RBFOX1: variants seen among roughly 807,000 people sequenced by gnomAD.
RBFOX1 encodes the protein RNA binding protein fox-1 homolog 1.
In RBFOX1, 8 loss-of-function variants were observed where a neutral mutation model predicts 57.7. The observed-to-expected ratio is 0.14, with a 90% CI of 0.08 to 0.25. RBFOX1 has a LOEUF of 0.25. Among genes scored for constraint, RBFOX1 ranks in the 10% least tolerant of loss-of-function variants. RBFOX1 has a pLI of 1.00. For missense variants in RBFOX1, 611 were observed against 548.5 expected (o/e 1.11, Z -1.14); for synonymous variants, 326 against 222.4 (o/e 1.47, Z -4.15).
intron 4 of RBFOX1, among the ~76,000 whole-genome samples, chr16:7,184,471 C>A (rs1366644203): frequency 6.6e-6 from 1 of 152,214 alleles, no homozygotes; most frequent in Non-Finnish European, 1.5e-5. Flanking sequence ...GCATTGCATG[C>A]ATGTTTTTAC....
At chr16:6,839,231 C>T (rs7498902) in intron 3 of RBFOX1, among the ~76,000 whole-genome samples, 67,570 of 151,844 alleles carry the variant, frequency 0.44, 17,205 homozygotes, top group East Asian at 0.87. Context: ...GTGATCCACC[C>T]GCCTCAGCCC....
chr16:5,476,597 T>C (rs1306034056), intron 2 of RBFOX1, among the ~76,000 whole-genome samples: 3 of 152,146 alleles, frequency 2.0e-5, no homozygotes, highest in Non-Finnish European at 2.9e-5. Context: ...CATTGTGGAG[T>C]TGAAGCAAAG....
intron 2 of RBFOX1, among the ~76,000 whole-genome samples, chr16:6,635,636 G>C (rs576507668): frequency 6.6e-6 from 1 of 152,272 alleles, no homozygotes; most frequent in African/African-American, 2.4e-5. Context: ...TAGGAAGGAA[G>C]GTGGCATAGG....
chr16:6,159,367 G>A (rs747186576), intron 1 of RBFOX1, among the ~76,000 whole-genome samples: 7 of 152,150 alleles, frequency 4.6e-5, no homozygotes, highest in Non-Finnish European at 7.3e-5. Flanking sequence ...GTGAGCCACC[G>A]CACACGGCCT....
chr16:6,865,476 A>T (rs573571842), intron 3 of RBFOX1, among the ~76,000 whole-genome samples: 1 of 152,236 alleles, frequency 6.6e-6, no homozygotes, highest in African/African-American at 2.4e-5. Context: ...ACACCCAGGC[A>T]CCTTCTTGTT....
At chr16:6,559,111 A>G (rs894486821) in intron 2 of RBFOX1, among the ~76,000 whole-genome samples, 7 of 149,808 alleles carry the variant, frequency 4.7e-5, no homozygotes, top group African/African-American at 1.7e-4. Context: ...ATATATACAT[A>G]TGTGTGTGTG....
intron 2 of RBFOX1, among the ~76,000 whole-genome samples, chr16:6,327,791 C>A (rs763789753): frequency 2.4e-4 from 36 of 152,090 alleles, no homozygotes; most frequent in Non-Finnish European, 3.8e-4. Context: ...TCTTCTTGAC[C>A]GATCTGAGAT....
At chr16:6,924,637 G>A (rs1228912620) in intron 3 of RBFOX1, among the ~76,000 whole-genome samples, 1 of 151,624 alleles carries the variant, frequency 6.6e-6, no homozygotes, top group African/African-American at 2.4e-5. Context: ...CCTACCTCTT[G>A]TCCTTACTGT....
chr16:7,016,656 A>G (rs2093931320), intron 3 of RBFOX1, among the ~76,000 whole-genome samples: 1 of 152,228 alleles, frequency 6.6e-6, no homozygotes, highest in Non-Finnish European at 1.5e-5. Flanking sequence ...ATGCAAAACC[A>G]GAAAGTGGAA....
intron 4 of RBFOX1, among the ~76,000 whole-genome samples, chr16:5,927,925 G>A (rs1377775468): frequency 6.6e-6 from 1 of 152,102 alleles, no homozygotes; most frequent in African/African-American, 2.4e-5. Flanking sequence ...AGAGTAGAAT[G>A]GTGGTTACCA....
intron 9 of RBFOX1, among the ~76,000 whole-genome samples, chr16:7,605,734 C>T (rs1452760660): frequency 2.6e-5 from 4 of 152,196 alleles, no homozygotes; most frequent in Admixed American, 2.6e-4. Context: ...AAACTTTAAT[C>T]ATTGCCTTCT....
chr16:5,425,101 C>CTATCTATCTATCTATT (rs2067512729), intron 1 of RBFOX1, among the ~76,000 whole-genome samples: 1 of 146,312 alleles, frequency 6.8e-6, no homozygotes, highest in Non-Finnish European at 1.5e-5. Context: ...ATCTATCTAT[C>CTATCTATCTATCTATT]TATCTATCTA....
At chr16:5,747,351 T>C (rs916224009) in intron 3 of RBFOX1, among the ~76,000 whole-genome samples, 4 of 152,172 alleles carry the variant, frequency 2.6e-5, no homozygotes, top group African/African-American at 7.2e-5. Flanking sequence ...TTCTCTGTTT[T>C]TGTTGTGTCT....
chr16:7,664,053 A>T (rs770086445), intron 12 of RBFOX1, among the ~76,000 whole-genome samples: 38 of 152,210 alleles, frequency 2.5e-4, no homozygotes, highest in Non-Finnish European at 4.9e-4. Flanking sequence ...TTGTTCAATC[A>T]AGGTGTGGGT....
chr16:5,498,463 G>C (rs1274230511), intron 2 of RBFOX1, among the ~76,000 whole-genome samples: 2 of 152,168 alleles, frequency 1.3e-5, no homozygotes, highest in African/African-American at 2.4e-5. Flanking sequence ...ATTGGCAGCA[G>C]TAGTGATGGT....
At chr16:5,743,299 T>A (rs1597066387) in intron 3 of RBFOX1, among the ~76,000 whole-genome samples, 1 of 152,188 alleles carries the variant, frequency 6.6e-6, no homozygotes, top group Non-Finnish European at 1.5e-5. Context: ...TGAGTTATAC[T>A]GGCTGATGCT....
intron 2 of RBFOX1, among the ~76,000 whole-genome samples, chr16:6,628,944 T>C (rs924870329): frequency 6.6e-6 from 1 of 152,082 alleles, no homozygotes; most frequent in African/African-American, 2.4e-5. Context: ...ACAGGAGAAT[T>C]GCTTGAACCC....
intron 1 of RBFOX1, among the ~76,000 whole-genome samples, chr16:5,441,413 A>C (rs577498832): frequency 2.5e-3 from 355 of 143,106 alleles, no homozygotes; most frequent in African/African-American, 9.1e-3. Flanking sequence ...CACCTAGGCT[A>C]GAGTGCAGTG....
chr16:7,374,735 C>T (rs2097652132), intron 4 of RBFOX1, among the ~76,000 whole-genome samples: 1 of 152,202 alleles, frequency 6.6e-6, no homozygotes, highest in Non-Finnish European at 1.5e-5. Flanking sequence ...TTCTTGTGCT[C>T]CCAGGAGTCT....
Sources: allele counts gnomAD v4.1 joint callset (sites outside exome capture counted in the v4.1 genomes callset), GRCh38; gene constraint gnomAD v4.1.1; transcripts MANE v1.5; gene names NCBI Gene and HGNC (gene_info 2026-07-23, HGNC 2026-07-21).